The following PRRC2C variants were observed in gnomAD, a reference collection of about 807,000 sequenced individuals.
The protein encoded by PRRC2C is protein PRRC2C.
PRRC2C carries 72 observed loss-of-function variants against 317.2 expected under a neutral mutation model. The ratio of observed to expected loss-of-function variants is 0.23; its 90% CI spans 0.19 to 0.28. The LOEUF (loss-of-function observed/expected upper bound fraction) is 0.28. PRRC2C is among the 10% of genes least tolerant of loss of function. PRRC2C has a pLI of 1.00. For synonymous variants in PRRC2C, 1,296 were observed against 1,205.9 expected (o/e 1.07, Z -1.55); for missense variants, 3,074 against 3,459.7 (o/e 0.89, Z 2.80).
At chr1:171,502,694 C>T (rs1669350040) in intron 1 of PRRC2C, among the ~76,000 whole-genome samples, 1 of 152,118 alleles carries the variant, frequency 6.6e-6, no homozygotes, top group South Asian at 2.1e-4. Flanking sequence ...TTTTAGAGAA[C>T]ATACCAACTA....
intron 20 of PRRC2C, among the ~76,000 whole-genome samples, chr1:171,564,931 G>A (rs973049788): frequency 3.3e-5 from 5 of 152,032 alleles, no homozygotes; most frequent in Non-Finnish European, 7.4e-5. Flanking sequence ...CATTATATCC[G>A]GGTAGATATA....
intron 26 of PRRC2C, among the ~76,000 whole-genome samples, chr1:171,578,350 C>T (rs926425740): frequency 2.0e-5 from 3 of 151,922 alleles, no homozygotes; most frequent in Admixed American, 2.0e-4. Flanking sequence ...CCTAGGAGTT[C>T]AAGACCAACC....
chr1:171,516,504 A>C (rs76465167), intron 5 of PRRC2C, among the ~76,000 whole-genome samples: 1 of 152,314 alleles, frequency 6.6e-6, no homozygotes, highest in African/African-American at 2.4e-5. Context: ...AATAAATCTA[A>C]ATCTTATTTT....
chr1:171,545,336 C>A, intron 16 of PRRC2C, 143 bp from the exon 17 acceptor site: 1 of 652,586 alleles, frequency 1.5e-6, no homozygotes. Context: ...ACAAAAGTTA[C>A]TAATGCTTGT....
At chr1:171,577,954 T>C (rs1363876320) in intron 26 of PRRC2C, among the ~76,000 whole-genome samples, 2 of 146,432 alleles carry the variant, frequency 1.4e-5, no homozygotes, top group South Asian at 2.2e-4. Context: ...ATTTTTCTTT[T>C]TTTTTTTTTT....
rs548475241 is a variant in PRRC2C at position 171,543,102 on chromosome 1, G to A, written c.4763+873G>A. On this transcript the variant is annotated intron_variant, in intron 16 of 34. Coordinates refer to ENST00000647382, the MANE Select transcript of PRRC2C (RefSeq NM_001387844.1). The stretch of plus-strand genomic sequence containing the variant: ...ACTATTCAGATGTTGGGCCTGGTGC[G>A]GTGGCTCCTGTAATCCCAGCACTTT... Among the ~76,000 whole-genome samples, 111 of 150,964 alleles carry A rather than the reference G, an allele frequency of 7.4e-4. 1 individual carries two copies. Among genetic ancestry groups the A allele is most frequent in the Non-Finnish European group, 2.5e-4 (17 of 67,742 alleles).
chr1:171,500,984 G>C (rs936383183), intron 1 of PRRC2C, among the ~76,000 whole-genome samples: 1 of 152,130 alleles, frequency 6.6e-6, no homozygotes, highest in Non-Finnish European at 1.5e-5. Context: ...CTGCAGCCTC[G>C]ACTTCCTGTG....
At chr1:171,537,589 C>T in intron 15 of PRRC2C, 116 bp downstream of exon 15, 1 of 966,362 alleles carries the variant, frequency 1.0e-6, no homozygotes, top group Non-Finnish European at 1.5e-6. Context: ...TGGTTTCCTT[C>T]TATTTAATTT....
intron 1 of PRRC2C, among the ~76,000 whole-genome samples, chr1:171,504,219 T>C (rs1307293369): frequency 6.6e-6 from 1 of 152,262 alleles, no homozygotes; most frequent in African/African-American, 2.4e-5. Context: ...GATCTATGAT[T>C]TGACAATTTT....
chr1:171,556,419 G>A lies in PRRC2C; in HGVS notation c.5128-821G>A, dbSNP rs191653620. Among the ~76,000 whole-genome samples, 1,062 of 152,230 alleles carry A rather than the reference G, an allele frequency of 7.0e-3. 7 individuals are homozygous for A. Among genetic ancestry groups the A allele is most frequent in the Non-Finnish European group, 0.012 (821 of 67,996 alleles). Reference sequence around the variant, plus strand: ...CCTGCCCTGCTTTGGCTCACCCTCCGTGGGCTGCACCCACTGTCCAACCAG... The same window carrying A: ...CCTGCCCTGCTTTGGCTCACCCTCCATGGGCTGCACCCACTGTCCAACCAG... On this transcript the variant is annotated intron_variant, in intron 18 of 34. Coordinates refer to ENST00000647382, the MANE Select transcript of PRRC2C (RefSeq NM_001387844.1).
chr1:171,546,647 T>C (rs6676140), intron 17 of PRRC2C, among the ~76,000 whole-genome samples: 18,798 of 152,212 alleles, frequency 0.12, 1,234 homozygotes, highest in East Asian at 0.22. Flanking sequence ...TTGCCCAGGC[T>C]GGTGTACAGT....
intron 16 of PRRC2C, among the ~76,000 whole-genome samples, 155 bp from the exon 17 acceptor site, chr1:171,545,324 G>A (rs553849738): frequency 1.3e-5 from 2 of 152,178 alleles, no homozygotes; most frequent in Non-Finnish European, 2.9e-5. Flanking sequence ...AGGTTGTGCT[G>A]AACAAAAGTT....
In PRRC2C at chr1:171,485,705, A is replaced by AAGTG. The variant is rs1198224425; in HGVS notation, c.-87_-84dup. 1 of 152,304 alleles carries AAGTG rather than the reference A, an allele frequency of 6.6e-6. No individual in the cohort carries two copies. The highest frequency in any genetic ancestry group is 2.4e-5 in the African/African-American group (1 of 41,428). 9.4% of individuals were successfully genotyped at this position (152,304 alleles called of 1,614,324 possible). On this transcript the variant is annotated 5_prime_UTR_variant, in exon 1 of 35. Coordinates refer to ENST00000647382, the MANE Select transcript of PRRC2C (RefSeq NM_001387844.1). Reference sequence around the variant, plus strand: ...GATCAGAGATCGGCGGAGACCCTCGAAGTGCGCAAACTTGACACTCACCCT... The same window carrying AAGTG: ...GATCAGAGATCGGCGGAGACCCTCGAAGTGAGTGCGCAAACTTGACACTCACCCT...
intron 1 of PRRC2C, chr1:171,511,522 GTTTTACC>G (rs1319627252): frequency 2.0e-5 from 3 of 152,126 alleles, no homozygotes; most frequent in Non-Finnish European, 4.4e-5. Flanking sequence ...TTTGTGAGAT[GTTTTACC>G]TTTTACGAAA....
rs1287749009 is a variant in PRRC2C, at chr1:171,557,337, C to T, written c.5225C>T (p.Ala1742Val). Reference sequence around the variant, plus strand: ...AAACAGGCTACAGGGATCCAGCAAGCACAGTCTTCAGCCTCAGTTCCACCT... The same window carrying T: ...AAACAGGCTACAGGGATCCAGCAAGTACAGTCTTCAGCCTCAGTTCCACCT... ...AKKQATGIQQ[A>V]QSSASVPPLA... Residue 1742 changes from alanine (A) to valine (V), a missense_variant, in exon 19 of 35, where the codon GCA becomes GTA. By Grantham distance (64) the Ala-to-Val change is moderately conservative. Coordinates refer to ENST00000647382, the MANE Select transcript of PRRC2C (RefSeq NM_001387844.1). The T allele has an allele frequency of 1.3e-6, 2 of 1,551,974 alleles. No individual in the cohort carries two copies.
At chr1:171,573,062 T>C (rs1242456807) in intron 24 of PRRC2C, among the ~76,000 whole-genome samples, 1 of 152,216 alleles carries the variant, frequency 6.6e-6, no homozygotes, top group Non-Finnish European at 1.5e-5. Flanking sequence ...ATCCATAGAA[T>C]AGCATCATTT....
Position 171,568,305 on chromosome 1 carries a change from A to G in PRRC2C, c.6617A>G (p.Asn2206Ser), listed in dbSNP as rs149286615. The G allele has an allele frequency of 1.1e-4, 179 of 1,608,640 alleles. 1 individual carries two copies. The Middle Eastern group carries it at 1.7e-3, about 15-fold the overall frequency. Residue 2206 changes from asparagine (N) to serine (S), a missense_variant, in exon 23 of 35, where the codon AAT becomes AGT. Asn to Ser is a conservative substitution (Grantham distance 46). Around this residue, in one of 11 missense-constraint regions of PRRC2C, gnomAD observed 640 missense variants for 676.1 expected, o/e 0.95. Coordinates refer to ENST00000647382, the MANE Select transcript of PRRC2C (RefSeq NM_001387844.1). Reference protein sequence around the residue: ...SSSLPNTVATNNTKMEDTLVN... With the variant: ...SSSLPNTVATSNTKMEDTLVN... ...TCTTTGCCTAACACCGTGGCTACTA[A>G]TAATACAAAGATGGAGGATACTTTG... is the stretch of plus-strand genomic sequence containing the variant.
In PRRC2C at chr1:171,589,465, A is replaced by G; in HGVS notation, c.8296A>G (p.Ser2766Gly). ...PVQRPPMALA[S>G]QMPPPLTTGL... Reference sequence around the variant, plus strand: ...TCAGAGGCCACCAATGGCACTGGCCAGTCAGATGCCTCCTCCGCTGACCAC... The same window carrying G: ...TCAGAGGCCACCAATGGCACTGGCCGGTCAGATGCCTCCTCCGCTGACCAC... Residue 2766 changes from serine (S) to glycine (G), a missense_variant, in exon 34 of 35, where the codon AGT becomes GGT. Transcript: ENST00000647382. 1 of 1,289,848 alleles carries G rather than the reference A, an allele frequency of 7.8e-7. No individual in the cohort carries two copies. Among genetic ancestry groups the G allele is most frequent in the South Asian group, 1.2e-5 (1 of 81,030 alleles). The allele number at this position is 1,289,848 out of a possible 1,614,324, so 79.9% of individuals were successfully genotyped here. A position where few individuals can be genotyped will look rare whatever the true frequency, so the allele number is the denominator to read the frequency against.
At position 171,557,436 on chromosome 1, in the gene PRRC2C, C is replaced by A; in HGVS notation, c.5324C>A (p.Thr1775Asn). Residue 1775 changes from threonine (T) to asparagine (N), a missense_variant, in exon 19 of 35, where the codon ACC (threonine) becomes AAC (asparagine). Coordinates refer to ENST00000647382, the MANE Select transcript of PRRC2C (RefSeq NM_001387844.1). Reference protein sequence around the residue: ...PASTSAPLPATLTPVPASTSA... With the variant: ...PASTSAPLPANLTPVPASTSA... ...TCAACCTCAGCTCCACTTCCGGCAA[C>A]CTTAACTCCAGTTCCAGCCTCAACC... 6.5e-7 allele frequency: 1 copy of A among 1,547,858 alleles called. No homozygotes were observed.
Sources: gnomAD v4.1 joint callset for allele counts (sites outside exome capture counted in the v4.1 genomes callset) on GRCh38, gnomAD v4.1.1 for gene constraint, gnomAD v4.1.1 regional missense constraint, MANE v1.5 for transcripts, NCBI Gene and HGNC (gene_info 2026-07-23, HGNC 2026-07-21) for gene names.